The following CEP112 variants were observed in gnomAD, a reference collection of about 807,000 sequenced individuals.
The protein encoded by CEP112 is centrosomal protein of 112 kDa.
In CEP112, 127 loss-of-function variants were observed where a neutral mutation model predicts 153.0. The ratio of observed to expected loss-of-function variants is 0.83; its 90% confidence interval spans 0.72 to 0.96. CEP112 has a LOEUF of 0.96. Ranked by LOEUF, CEP112 falls within the 40% of genes least tolerant of loss-of-function variation. The pLI, the probability that CEP112 is intolerant of heterozygous loss-of-function variation, is 0.00. For synonymous variants in CEP112, 358 were observed against 374.4 expected (o/e 0.96, Z 0.51); for missense variants, 1,089 against 1,101.2 (o/e 0.99, Z 0.16).
At chr17:65,872,794 A>G (rs2058706525) in intron 20 of CEP112, among the ~76,000 whole-genome samples, 1 of 152,206 alleles carries the variant, frequency 6.6e-6, no homozygotes, top group Non-Finnish European at 1.5e-5. Context: ...TGAACTTGAC[A>G]TTTTTGATAA....
chr17:66,115,450 G>A (rs1266245286), intron 6 of CEP112, among the ~76,000 whole-genome samples: 1 of 152,216 alleles, frequency 6.6e-6, no homozygotes. Context: ...TACTGGGACA[G>A]TGCATTCTTG....
At chr17:65,821,540 A>ATATTTT (rs1568067713) in intron 21 of CEP112, among the ~76,000 whole-genome samples, 1 of 33,630 alleles carries the variant, frequency 3.0e-5, no homozygotes, top group African/African-American at 1.4e-4. Context: ...ATATATATAT[A>ATATTTT]TTTTTTTTTT....
chr17:65,997,807 A>C, intron 17 of CEP112, among the ~76,000 whole-genome samples: 1 of 150,442 alleles, frequency 6.6e-6, no homozygotes, highest in African/African-American at 2.5e-5. Context: ...CCCCACACAC[A>C]CACACAATCT....
intron 24 of CEP112, among the ~76,000 whole-genome samples, chr17:65,642,893 C>T (rs925431851): frequency 4.6e-5 from 7 of 152,174 alleles, no homozygotes; most frequent in East Asian, 1.9e-4. Context: ...CTCATGCATG[C>T]GCTATTTCCT....
chr17:66,027,020 T>C (rs1000794382), intron 16 of CEP112, among the ~76,000 whole-genome samples: 1 of 152,228 alleles, frequency 6.6e-6, no homozygotes, highest in Non-Finnish European at 1.5e-5. Context: ...AGCAGTTGTT[T>C]ATTATATAAA....
intron 1 of CEP112, 63 bp from the exon 2 acceptor site, chr17:66,183,370 G>A (rs1211574763): frequency 1.4e-5 from 16 of 1,165,786 alleles, no homozygotes; most frequent in Non-Finnish European, 2.0e-5. Flanking sequence ...AAACTCTGAT[G>A]AGAAAGATAA....
intron 23 of CEP112, among the ~76,000 whole-genome samples, chr17:65,695,936 A>G (rs991478246): frequency 1.3e-5 from 2 of 152,338 alleles, no homozygotes; most frequent in Admixed American, 1.3e-4. Flanking sequence ...GTACTAGAGA[A>G]TACAATTTCA....
At chr17:65,905,839 G>A (rs887261824) in intron 19 of CEP112, among the ~76,000 whole-genome samples, 1 of 152,044 alleles carries the variant, frequency 6.6e-6, no homozygotes, top group African/African-American at 2.4e-5. Flanking sequence ...TAGCTACTTG[G>A]GAGGCTGACG....
At chr17:66,022,711 G>GAAA (rs1555771642) in intron 16 of CEP112, among the ~76,000 whole-genome samples, 133 of 126,808 alleles carry the variant, frequency 1.0e-3, no homozygotes, top group Admixed American at 1.4e-3. Context: ...TCCGCCTCAA[G>GAAA]AAAAAAAAAA....
At chr17:65,670,163 T>TTTG (rs199516469) in intron 24 of CEP112, among the ~76,000 whole-genome samples, 3 of 151,352 alleles carry the variant, frequency 2.0e-5, no homozygotes, top group South Asian at 2.1e-4. Context: ...TTTTTTTGTT[T>TTTG]TTGTTGTTGT....
chr17:66,143,887 C>T (rs891716363), intron 4 of CEP112, among the ~76,000 whole-genome samples: 1 of 152,184 alleles, frequency 6.6e-6, no homozygotes, highest in Non-Finnish European at 1.5e-5. Flanking sequence ...GGCTAGATTT[C>T]AGAACTGCTA....
chr17:66,129,792 A>C lies in CEP112; in HGVS notation c.596T>G (p.Leu199Trp). The stretch of plus-strand genomic sequence containing the variant: ...GCGAGCTTCAATGTCACTATCATCC[A>C]AAGAAACAGGAGATTTTTTCGAATA... The part of the protein sequence containing the change: ...EVYSKKSPVS[L>W]DDSDIEARLN... The change falls in exon 6 of 27, where the codon TTG (leucine) becomes TGG (tryptophan). Residue 199 changes from leucine (L) to tryptophan (W), a missense_variant. Coordinates refer to ENST00000535342, the MANE Select transcript of CEP112 (RefSeq NM_001199165.4). 1 of 1,612,618 alleles carries C rather than the reference A, an allele frequency of 6.2e-7. No individual in the cohort carries two copies. The highest frequency in any genetic ancestry group is 8.5e-7 in the Non-Finnish European group (1 of 1,179,316).
chr17:65,833,181 T>C (rs2057159270), intron 21 of CEP112, among the ~76,000 whole-genome samples: 1 of 152,108 alleles, frequency 6.6e-6, no homozygotes, highest in Non-Finnish European at 1.5e-5. Flanking sequence ...AAACTCTCGA[T>C]AAACCAGGCA....
intron 8 of CEP112, among the ~76,000 whole-genome samples, chr17:66,093,273 C>T (rs1598337323): frequency 6.6e-6 from 1 of 152,034 alleles, no homozygotes; most frequent in Non-Finnish European, 1.5e-5. Flanking sequence ...ACCCGTGAGA[C>T]GTAGGCTGCA....
At chr17:66,132,168 CAAAAAAAAAAAAAAAAAAAAAA>C (rs56221578) in intron 5 of CEP112, among the ~76,000 whole-genome samples, 7 of 39,884 alleles carry the variant, frequency 1.8e-4, no homozygotes, top group African/African-American at 5.6e-4. Context: ...GACTCCATCT[CAAAAAAAAAAAAAAAAAAAAAA>C]AAAAAAAAAA....
At chr17:66,079,720 A>G (rs1568467507) in intron 8 of CEP112, among the ~76,000 whole-genome samples, 2 of 152,202 alleles carry the variant, frequency 1.3e-5, no homozygotes, top group Admixed American at 6.5e-5. Context: ...AAGCAAAAAG[A>G]ACAAGGCTGG....
At position 65,759,867 on chromosome 17, in the gene CEP112, G is replaced by A. The variant is rs142360716; in HGVS notation, c.2395-9143C>T. ...TTGACACGCAATGGCATTTCACCCCGATAAATCTGTTGTAAGTACAAAGTA... is the reference window on the plus strand; with the variant it reads ...TTGACACGCAATGGCATTTCACCCCAATAAATCTGTTGTAAGTACAAAGTA... On this transcript the variant is annotated intron_variant, in intron 21 of 26. Transcript: ENST00000535342. Among the ~76,000 whole-genome samples the A allele has an allele frequency of 1.5e-3, 221 of 152,170 alleles. 2 individuals carry two copies. Among genetic ancestry groups the A allele is most frequent in the African/African-American group, 5.2e-3 (218 of 41,538 alleles).
intron 6 of CEP112, among the ~76,000 whole-genome samples, chr17:66,105,136 T>TG (rs1568494612): frequency 6.6e-6 from 1 of 151,918 alleles, no homozygotes; most frequent in Non-Finnish European, 1.5e-5. Flanking sequence ...AGTTAAAAAG[T>TG]GGGGGGATGA....
intron 6 of CEP112, among the ~76,000 whole-genome samples, chr17:66,113,117 C>A (rs887495669): frequency 6.8e-6 from 1 of 148,046 alleles, no homozygotes; most frequent in South Asian, 2.1e-4. Context: ...TAGCCCAGTG[C>A]CATATACACA....
Sources: allele counts gnomAD v4.1 joint callset (sites outside exome capture counted in the v4.1 genomes callset), GRCh38; gene constraint gnomAD v4.1.1; transcripts MANE v1.5; gene names NCBI Gene and HGNC (gene_info 2026-07-23, HGNC 2026-07-21).